The following DOCK10 variants were observed in gnomAD, a reference collection of about 807,000 sequenced individuals.
The protein encoded by DOCK10 is dedicator of cytokinesis 10, also known as dedicator of cytokinesis protein 10.
DOCK10 carries 145 observed loss-of-function variants against 280.1 expected under a neutral mutation model. That is an observed-to-expected ratio of 0.52 (90% CI 0.45 to 0.59). The LOEUF (loss-of-function observed/expected upper bound fraction) is 0.59, where lower values mean the gene tolerates loss of function less well. Ranked by LOEUF, DOCK10 falls within the 20% of genes least tolerant of loss-of-function variation. The pLI is 0.00. For missense variants in DOCK10, 2,368 were observed against 2,651.7 expected (o/e 0.89, Z 2.35); for synonymous variants, 915 against 942.2 (o/e 0.97, Z 0.53).
intron 1 of DOCK10, among the ~76,000 whole-genome samples, chr2:224,975,704 A>C (rs1456156894): frequency 6.6e-6 from 1 of 152,232 alleles, no homozygotes; most frequent in Non-Finnish European, 1.5e-5. Context: ...CAAATTAAAC[A>C]AATGTATGTT....
chr2:224,894,757 C>CT (rs1323705047), intron 4 of DOCK10, among the ~76,000 whole-genome samples: 2 of 152,166 alleles, frequency 1.3e-5, no homozygotes, highest in East Asian at 1.9e-4. Flanking sequence ...AAGGGACATA[C>CT]TTTTTTTCTC....
At chr2:225,012,529 C>T (rs567523210) in intron 1 of DOCK10, among the ~76,000 whole-genome samples, 2 of 152,236 alleles carry the variant, frequency 1.3e-5, no homozygotes, top group African/African-American at 2.4e-5. Context: ...ATAGTGCTTG[C>T]TTTTTCAGTT....
chr2:224,903,682 G>A (rs1700438171), intron 3 of DOCK10, among the ~76,000 whole-genome samples: 1 of 152,094 alleles, frequency 6.6e-6, no homozygotes, highest in Non-Finnish European at 1.5e-5. Context: ...ATTTTTCAGT[G>A]CAATTGAAAT....
chr2:224,874,745 A>T lies in DOCK10; in HGVS notation c.938T>A (p.Leu313Gln). 2.4e-5 allele frequency: 38 copies of T among 1,613,672 alleles called. No homozygotes were observed. Among genetic ancestry groups the T allele is most frequent in the Non-Finnish European group, 3.2e-5 (38 of 1,179,610 alleles). Residue 313 changes from leucine to glutamine, a missense_variant, in exon 9 of 56, where the codon CTG becomes CAG. Physicochemically the swap from Leu to Gln is moderately radical, Grantham distance 113 (BLOSUM62 -2). Coordinates refer to ENST00000258390, the MANE Select transcript of DOCK10 (RefSeq NM_014689.3). ...TELTDLGLDS[L>Q]DNSVTCECTP... ...GCATTCACAAGTTACAGAATTATCC[A>T]GCGAATCTTAAAAAGATATACCAAG...
chr2:225,031,457 C>G (rs547478708), intron 1 of DOCK10, among the ~76,000 whole-genome samples: 9 of 152,274 alleles, frequency 5.9e-5, no homozygotes, highest in Non-Finnish European at 1.2e-4. Context: ...GGGCACAGGG[C>G]CGAAGGACGA....
chr2:224,997,088 T>G (rs1220431475), intron 1 of DOCK10, among the ~76,000 whole-genome samples: 2 of 152,192 alleles, frequency 1.3e-5, no homozygotes, highest in Non-Finnish European at 2.9e-5. Context: ...TTCTCACCTC[T>G]AACTTCAAAA....
Position 224,805,387 on chromosome 2 carries a change from G to A in DOCK10, c.3936+21C>T. 1 of 1,612,734 alleles carries A rather than the reference G, an allele frequency of 6.2e-7. No homozygotes were observed. The highest frequency in any genetic ancestry group is 8.5e-7 in the Non-Finnish European group (1 of 1,179,148). The stretch of plus-strand genomic sequence containing the variant: ...GACCTCTGCCTTGTAATGATCAGTA[G>A]GTTTGAGAGGGAAGTCATACCTTTT... On this transcript the variant is annotated intron_variant, in intron 35 of 55. Transcript: ENST00000258390. This position sits in a 1 kb window ranked among gnomAD's most constrained non-coding sequence, Gnocchi z 4.3.
At chr2:224,983,169 A>G (rs1705834101) in intron 1 of DOCK10, among the ~76,000 whole-genome samples, 1 of 152,220 alleles carries the variant, frequency 6.6e-6, no homozygotes, top group East Asian at 1.9e-4. Context: ...GCAGCTGTAA[A>G]GCATTTTAAC....
At chr2:225,004,979 A>C (rs1287572919) in intron 1 of DOCK10, among the ~76,000 whole-genome samples, 3 of 152,248 alleles carry the variant, frequency 2.0e-5, no homozygotes, top group Non-Finnish European at 2.9e-5. Context: ...TGGAGAATGA[A>C]CATTAAATTA....
Position 224,770,430 on chromosome 2 carries a change from G to C in DOCK10, c.6306-81C>G. 6.4e-7 allele frequency: 1 copy of C among 1,551,166 alleles called. No individual in the cohort carries two copies. The highest frequency in any genetic ancestry group is 8.8e-7 in the Non-Finnish European group (1 of 1,140,496). On this transcript the variant is annotated intron_variant, in intron 54 of 55. Coordinates refer to ENST00000258390, the MANE Select transcript of DOCK10 (RefSeq NM_014689.3). This position sits in a 1 kb window ranked among gnomAD's most constrained non-coding sequence, Gnocchi z 4.5. ...TCAGTGACTGTGAGTTCAGAGTCAG[G>C]CTGCTGATGGACTCTGCCACCTCAG...
At chr2:224,854,827 A>C (rs547898159) in intron 16 of DOCK10, 136 bp downstream of exon 16, 49 of 595,628 alleles carry the variant, frequency 8.2e-5, no homozygotes, top group African/African-American at 4.8e-4. Flanking sequence ...GAAAAAAAAA[A>C]CCCAAAACCT....
intron 19 of DOCK10, among the ~76,000 whole-genome samples, chr2:224,846,963 T>C (rs940215518): frequency 3.9e-5 from 6 of 152,208 alleles, no homozygotes; most frequent in African/African-American, 1.4e-4. Context: ...TTGAGTAATA[T>C]GGTATAGTAA....
At chr2:224,834,310 G>T in intron 25 of DOCK10, 47 bp from the exon 26 acceptor site, 1 of 1,113,320 alleles carries the variant, frequency 9.0e-7, no homozygotes, top group Non-Finnish European at 1.4e-6. Context: ...TTTGAAAAAT[G>T]AAGCTTCAAA....
intron 2 of DOCK10, among the ~76,000 whole-genome samples, chr2:224,926,709 A>G (rs1434072162): frequency 6.6e-6 from 1 of 152,236 alleles, no homozygotes; most frequent in African/African-American, 2.4e-5. Context: ...CTTACCATCA[A>G]GCAAAGCCAA....
At position 225,018,567 on chromosome 2, in the gene DOCK10, TTA is replaced by T. The variant is rs532367480; in HGVS notation, c.123+23683_123+23684del. ...ATATATATATAATATATATGTAATA[TTA>T]TATATATATAATATATATGTAATAT... On this transcript the variant is annotated intron_variant, in intron 1 of 55. Coordinates refer to ENST00000258390, the MANE Select transcript of DOCK10 (RefSeq NM_014689.3). Among the ~76,000 whole-genome samples, 2 of 8,454 alleles carry T rather than the reference TTA, an allele frequency of 2.4e-4. 1 individual carries two copies. Among genetic ancestry groups the T allele is most frequent in the African/African-American group, 6.6e-4 (2 of 3,044 alleles). 5.5% of individuals were successfully genotyped at this position (8,454 alleles called of 152,430 possible).
intron 1 of DOCK10, among the ~76,000 whole-genome samples, chr2:224,948,884 T>C (rs1338889898): frequency 6.6e-6 from 1 of 152,228 alleles, no homozygotes; most frequent in Non-Finnish European, 1.5e-5. Flanking sequence ...ACTTTCTGTC[T>C]GTCTAATATT....
In DOCK10 at chr2:224,770,873, G is replaced by T. The variant is rs2124950537; in HGVS notation, c.6205-228C>A. Among the ~76,000 whole-genome samples, 1 of 150,870 alleles carries T rather than the reference G, an allele frequency of 6.6e-6. No individual in the cohort carries two copies. Among genetic ancestry groups the T allele is most frequent in the South Asian group, 2.1e-4 (1 of 4,782 alleles). On this transcript the variant is annotated intron_variant, in intron 53 of 55. Transcript: ENST00000258390. The surrounding 1 kb of genome is among the most constrained non-coding windows in gnomAD (Gnocchi z 4.5). ...CAAACTTCCCAAATTTCAGTCCTTT[G>T]CCAACCCCTTCACATTTTTTTTTTT... is the stretch of plus-strand genomic sequence containing the variant.
chr2:225,000,590 C>A (rs997885770), intron 1 of DOCK10, among the ~76,000 whole-genome samples: 1 of 152,012 alleles, frequency 6.6e-6, no homozygotes, highest in East Asian at 1.9e-4. Context: ...AACAGTAGGG[C>A]GGGAAAAAGG....
At chr2:224,924,593 C>G (rs1220313830) in intron 2 of DOCK10, among the ~76,000 whole-genome samples, 1 of 152,108 alleles carries the variant, frequency 6.6e-6, no homozygotes, top group Non-Finnish European at 1.5e-5. Context: ...TTCTGTTTAC[C>G]CATTCATCAG....
Sources: gnomAD v4.1 joint callset for allele counts (sites outside exome capture counted in the v4.1 genomes callset) on GRCh38, gnomAD v4.1.1 for gene constraint, Gnocchi (gnomAD v3.1) non-coding constraint, MANE v1.5 for transcripts, NCBI Gene and HGNC (gene_info 2026-07-23, HGNC 2026-07-21) for gene names.